The following NPIPB2 variants were observed in gnomAD, a reference collection of about 807,000 sequenced individuals.
NPIPB2 encodes the protein nuclear pore complex-interacting protein family member B2.
A neutral mutation model predicts 30.8 loss-of-function variants in NPIPB2; 27 were observed. That is an observed-to-expected ratio of 0.88 (90% CI 0.65 to 1.21). NPIPB2 has a LOEUF of 1.21. Among genes scored for constraint, NPIPB2 ranks in the 50% most tolerant of loss-of-function variants. NPIPB2 has a pLI of 0.00. For missense variants in NPIPB2, 440 were observed against 446.2 expected (o/e 0.99, Z 0.13); for synonymous variants, 147 against 162.0 (o/e 0.91, Z 0.70).
chr16:11,963,478 G>A (rs971325082), intron 1 of NPIPB2, among the ~76,000 whole-genome samples: 1 of 151,954 alleles, frequency 6.6e-6, no homozygotes, highest in Non-Finnish European at 1.5e-5. Flanking sequence ...ACACTCCTTG[G>A]GCCTTAAGAA....
chr16:11,938,795 C>G (rs2054901390), intron 1 of NPIPB2, among the ~76,000 whole-genome samples: 1 of 152,208 alleles, frequency 6.6e-6, no homozygotes, highest in African/African-American at 2.4e-5. Context: ...GTCACCCAGG[C>G]TAGATTGCAG....
At chr16:11,970,357 C>T in intron 1 of NPIPB2, among the ~76,000 whole-genome samples, 1 of 152,000 alleles carries the variant, frequency 6.6e-6, no homozygotes, top group South Asian at 2.1e-4. Flanking sequence ...GGACTACAGT[C>T]GCATGCCACC....
chr16:11,960,696 C>T (rs2055146994), intron 1 of NPIPB2, among the ~76,000 whole-genome samples: 1 of 151,608 alleles, frequency 6.6e-6, no homozygotes, highest in Non-Finnish European at 1.5e-5. Flanking sequence ...TCTTCCTCAC[C>T]ACTCCTTAAA....
chr16:11,964,914 C>T (rs1214809958), intron 1 of NPIPB2, among the ~76,000 whole-genome samples: 1 of 152,178 alleles, frequency 6.6e-6, no homozygotes, highest in Non-Finnish European at 1.5e-5. Flanking sequence ...TTGTCTATCT[C>T]CCTGGCACCT....
chr16:11,962,383 C>T (rs546076529), intron 1 of NPIPB2, among the ~76,000 whole-genome samples: 57 of 151,608 alleles, frequency 3.8e-4, no homozygotes, highest in Middle Eastern at 3.4e-3. Flanking sequence ...CCTGTAATCC[C>T]GGATCATGAG....
At chr16:11,975,112 C>A (rs67790570) in intron 1 of NPIPB2, among the ~76,000 whole-genome samples, 47,827 of 130,348 alleles carry the variant, frequency 0.37, 9,394 homozygotes, top group East Asian at 0.56. Flanking sequence ...GTGAATGTGT[C>A]ACACTTGTGT....
At chr16:11,942,053 A>C (rs890596433), upstream of NPIPB2, 1 of 1,369,724 alleles carries the variant, frequency 7.3e-7, no homozygotes, top group Non-Finnish European at 1.0e-6. Flanking sequence ...CATCAGCAGG[A>C]TGCGGAAGGT....
At chr16:11,943,365 A>G (rs2054964344), upstream of NPIPB2, among the ~76,000 whole-genome samples, 2 of 152,094 alleles carry the variant, frequency 1.3e-5, no homozygotes, top group Admixed American at 1.3e-4. Flanking sequence ...CAGGGTTAAC[A>G]AAACTATGGA....
intron 1 of NPIPB2, among the ~76,000 whole-genome samples, chr16:11,971,795 C>T (rs1467898459): frequency 1.3e-5 from 2 of 152,020 alleles, no homozygotes; most frequent in Non-Finnish European, 2.9e-5. Context: ...GTGCTCCTGG[C>T]CTAGATTCAA....
chr16:11,937,686 G>C lies in NPIPB2; in HGVS notation c.64-18C>G. 1.9e-6 allele frequency: 3 copies of C among 1,597,466 alleles called. No homozygotes were observed. Among genetic ancestry groups the C allele is most frequent in the Non-Finnish European group, 2.5e-6 (3 of 1,178,662 alleles). ...TTGATAACCTGGAATAATAATAGTTGAAATAATGAAAAGGTCAATGACACT... is the reference window on the plus strand; with the variant it reads ...TTGATAACCTGGAATAATAATAGTTCAAATAATGAAAAGGTCAATGACACT... On this transcript the variant is annotated intron_variant, in intron 1 of 7. Transcript: ENST00000399147.
chr16:11,965,060 C>T, intron 1 of NPIPB2: 3 of 459,918 alleles, frequency 6.5e-6, no homozygotes, highest in Non-Finnish European at 1.2e-5. Context: ...GTTTCTGTTT[C>T]AGATGTGATA....
intron 1 of NPIPB2, among the ~76,000 whole-genome samples, chr16:11,962,961 G>A (rs376587941): frequency 2.0e-5 from 3 of 152,060 alleles, no homozygotes; most frequent in Non-Finnish European, 2.9e-5. Flanking sequence ...CAGCTATTCC[G>A]GAAGCTGAGG....
chr16:11,945,558 G>C (rs1383376950), upstream of NPIPB2, among the ~76,000 whole-genome samples: 1 of 151,304 alleles, frequency 6.6e-6, no homozygotes, highest in Non-Finnish European at 1.5e-5. Flanking sequence ...CGTCCCTGTA[G>C]TCCTAGCTAC....
chr16:11,933,882 C>T lies in NPIPB2; in HGVS notation c.235G>A (p.Asp79Asn), dbSNP rs761608606. 13 of 1,564,060 alleles carry T rather than the reference C, an allele frequency of 8.3e-6. No individual in the cohort carries two copies. The South Asian group carries it at 1.4e-4, about 17-fold the overall frequency. The change falls in exon 3 of 8, where the codon GAT (aspartate) becomes AAT (asparagine). Residue 79 changes from aspartate to asparagine, a missense_variant. Transcript: ENST00000399147. ...CTCTGCTGTACATCTGTGGATACAT[C>T]ATGTCCATTTTCAGACTGGAAGATA... is the stretch of plus-strand genomic sequence containing the variant.
intron 1 of NPIPB2, among the ~76,000 whole-genome samples, chr16:11,938,580 C>G (rs920504145): frequency 6.6e-6 from 1 of 151,902 alleles, no homozygotes; most frequent in African/African-American, 2.4e-5. Context: ...ATCTGCCCGC[C>G]TCAGCCTCCC....
At chr16:11,945,548 C>T (rs971085690), upstream of NPIPB2, among the ~76,000 whole-genome samples, 2 of 151,860 alleles carry the variant, frequency 1.3e-5, no homozygotes, top group Non-Finnish European at 2.9e-5. Context: ...TGTGGTGGTA[C>T]GTCCCTGTAG....
Position 11,933,503 on chromosome 16 carries a change from A to G in NPIPB2, c.488+14T>C, listed in dbSNP as rs1437336737. ...TGGTTCATACAACAATATTTGTGTC[A>G]AGGCACATCTTACTGTTTTTTGGCG... On this transcript the variant is annotated intron_variant, in intron 4 of 7. Coordinates refer to ENST00000399147, the Ensembl canonical transcript of NPIPB2. 1 of 1,596,720 alleles carries G rather than the reference A, an allele frequency of 6.3e-7. No homozygotes were observed. Among genetic ancestry groups the G allele is most frequent in the African/African-American group, 1.3e-5 (1 of 74,850 alleles).
chr16:11,976,618 G>A (rs921413854), exon 1 of NPIPB2: 33 of 374,494 alleles, frequency 8.8e-5, no homozygotes, highest in African/African-American at 2.5e-4. Flanking sequence ...CACCGGGTCC[G>A]GCGACTTGGA....
chr16:11,968,469 TC>T (rs1205771716), intron 1 of NPIPB2: 4 of 152,206 alleles, frequency 2.6e-5, no homozygotes, highest in African/African-American at 9.7e-5. Context: ...AGGGTGAGAC[TC>T]CGTCTCAAAA....
Sources: gnomAD v4.1 joint callset for allele counts (sites outside exome capture counted in the v4.1 genomes callset) on GRCh38, gnomAD v4.1.1 for gene constraint, MANE v1.5 for transcripts, NCBI Gene and HGNC (gene_info 2026-07-23, HGNC 2026-07-21) for gene names.